PSIP1: variants seen among roughly 807,000 people sequenced by gnomAD.
PSIP1 encodes PC4 and SRSF1 interacting protein 1.
A neutral mutation model predicts 74.7 loss-of-function variants in PSIP1; 19 were observed. That is an observed-to-expected ratio of 0.25 (90% confidence interval 0.18 to 0.37). The LOEUF (loss-of-function observed/expected upper bound fraction) is 0.37, where lower values mean the gene tolerates loss of function less well. Ranked by LOEUF, PSIP1 falls within the 10% of genes least tolerant of loss-of-function variation. The pLI, the probability that PSIP1 is intolerant of heterozygous loss-of-function variation, is 1.00. For synonymous variants in PSIP1, 222 were observed against 195.3 expected (o/e 1.14, Z -1.14); for missense variants, 601 against 614.3 (o/e 0.98, Z 0.23).
chr9:15,464,632 G>A lies in PSIP1; in HGVS notation c.*888C>T, dbSNP rs1391066632. ...TTCATATTTATTGTATAAGCATCAT[G>A]ATTTTTTCTTCCAATTAAGTTTTAG... On this transcript the variant is annotated 3_prime_UTR_variant, in exon 16 of 16. Coordinates refer to ENST00000380733, the MANE Select transcript of PSIP1 (RefSeq NM_033222.5). The A allele has an allele frequency of 5.0e-6, 1 of 198,096 alleles. No individual in the cohort carries two copies. The highest frequency in any genetic ancestry group is 2.3e-5 in the African/African-American group (1 of 43,358). 12.3% of individuals were successfully genotyped at this position (198,096 alleles called of 1,614,324 possible). A position where few individuals can be genotyped will look rare whatever the true frequency, so the allele number is the denominator to read the frequency against.
At chr9:15,498,561 A>G (rs2037190887) in intron 3 of PSIP1, among the ~76,000 whole-genome samples, 1 of 152,168 alleles carries the variant, frequency 6.6e-6, no homozygotes, top group Non-Finnish European at 1.5e-5. Flanking sequence ...AACAGGGACC[A>G]GATTAGTTTT....
intron 3 of PSIP1, among the ~76,000 whole-genome samples, chr9:15,490,437 C>T (rs1424555259): frequency 1.3e-5 from 2 of 152,098 alleles, no homozygotes; most frequent in Admixed American, 6.6e-5. Flanking sequence ...AATCTCACCA[C>T]TTTGGGAAGC....
chr9:15,465,186 A>G lies in PSIP1; in HGVS notation c.*334T>C, dbSNP rs2035534994. On this transcript the variant is annotated 3_prime_UTR_variant, in exon 16 of 16. Transcript: ENST00000380733. ...GAAAAGAGGCAAGGTTTATACAAGT[A>G]GCAGTTTTAAAAATGTAACTTTGTT... 3.9e-6 allele frequency: 1 copy of G among 253,978 alleles called. No homozygotes were observed. The highest frequency in any genetic ancestry group is 7.5e-6 in the Non-Finnish European group (1 of 132,570). The allele number at this position is 253,978 out of a possible 1,614,324, so 15.7% of individuals were successfully genotyped here. A position where few individuals can be genotyped will look rare whatever the true frequency, so the allele number is the denominator to read the frequency against.
chr9:15,500,548 C>A (rs1191866000), intron 3 of PSIP1, among the ~76,000 whole-genome samples: 5 of 152,074 alleles, frequency 3.3e-5, no homozygotes, highest in Non-Finnish European at 7.4e-5. Context: ...AAGTCCCACA[C>A]CAATACGTGC....
At chr9:15,471,750 G>A in intron 10 of PSIP1, 3 of 961,570 alleles carry the variant, frequency 3.1e-6, no homozygotes, top group Non-Finnish European at 3.7e-6. Flanking sequence ...TTTGGCTTAC[G>A]GATATATTAT....
chr9:15,488,253 C>A (rs1173678286), intron 4 of PSIP1, among the ~76,000 whole-genome samples: 17 of 151,904 alleles, frequency 1.1e-4, no homozygotes, highest in Admixed American at 1.1e-3. Context: ...AATTGCTTGA[C>A]CTGGGGGGCA....
At chr9:15,497,267 A>C (rs929946470) in intron 3 of PSIP1, among the ~76,000 whole-genome samples, 3 of 151,882 alleles carry the variant, frequency 2.0e-5, no homozygotes, top group Non-Finnish European at 4.4e-5. Context: ...ATGAATCTTG[A>C]AAAACATCAT....
Position 15,474,081 on chromosome 9 carries a change from T to C in PSIP1, c.786A>G (p.Lys262=), listed in dbSNP as rs200720392. ...EGKKEVESKR[K]NLAKTGVTST... ...AAGTAACCCCTGTTTTAGCTAAATTTTTCCTTTTTGATTCAACTTCTTTCT... is the reference window on the plus strand; with the variant it reads ...AAGTAACCCCTGTTTTAGCTAAATTCTTCCTTTTTGATTCAACTTCTTTCT... Residue 262 remains lysine, a synonymous_variant, in exon 9 of 16, where the codon AAA becomes AAG. Transcript: ENST00000380733. 1.2e-6 allele frequency: 2 copies of C among 1,613,816 alleles called. No homozygotes were observed. Among genetic ancestry groups the C allele is most frequent in the African/African-American group, 1.3e-5 (1 of 75,004 alleles).
chr9:15,472,101 T>A (rs889074687), intron 10 of PSIP1: 1 of 983,220 alleles, frequency 1.0e-6, no homozygotes, highest in African/African-American at 1.8e-5. Context: ...TATCAAAATT[T>A]AAGAGAAAAC....
At chr9:15,470,607 A>G (rs753768892) in intron 10 of PSIP1, 143 of 953,836 alleles carry the variant, frequency 1.5e-4, no homozygotes, top group Admixed American at 3.1e-4. Context: ...ATTCAAATAG[A>G]CAAGAACAAA....
intron 11 of PSIP1, 32 bp from the exon 12 acceptor site, chr9:15,469,368 C>CT: frequency 7.1e-7 from 1 of 1,401,210 alleles, no homozygotes; most frequent in Non-Finnish European, 9.8e-7. Flanking sequence ...AAACAGTGAA[C>CT]AGTTTTTCCA....
rs184247774 is a variant in PSIP1 at position 15,466,194 on chromosome 9, A to G, written c.1532+554T>C. On this transcript the variant is annotated intron_variant, in intron 15 of 15. Coordinates refer to ENST00000380733, the MANE Select transcript of PSIP1 (RefSeq NM_033222.5). ...GGAGTTCGAGGCCGGGCTGGCCAAC[A>G]TGGTGAAACCTCATCTCTACTAAAA... Among the ~76,000 whole-genome samples, 328 of 152,358 alleles carry G rather than the reference A, an allele frequency of 2.2e-3. 2 individuals carry two copies. Among genetic ancestry groups the G allele is most frequent in the Non-Finnish European group, 3.3e-3 (227 of 68,036 alleles).
At chr9:15,495,400 C>T (rs894462457) in intron 3 of PSIP1, among the ~76,000 whole-genome samples, 28 of 151,958 alleles carry the variant, frequency 1.8e-4, no homozygotes, top group African/African-American at 4.6e-4. Flanking sequence ...GGAAAAGTTA[C>T]GATTGTTCTG....
chr9:15,508,286 A>G (rs1452406336), intron 2 of PSIP1, among the ~76,000 whole-genome samples: 1 of 152,240 alleles, frequency 6.6e-6, no homozygotes, highest in African/African-American at 2.4e-5. Context: ...CAAATTTTTA[A>G]GAATGAAGAA....
chr9:15,485,044 A>C (rs2036500892), intron 6 of PSIP1, among the ~76,000 whole-genome samples: 1 of 152,128 alleles, frequency 6.6e-6, no homozygotes, highest in African/African-American at 2.4e-5. Flanking sequence ...TGATTGTGCC[A>C]CTGCACTACT....
At chr9:15,509,475 T>C (rs2037751853) in intron 2 of PSIP1, among the ~76,000 whole-genome samples, 1 of 152,242 alleles carries the variant, frequency 6.6e-6, no homozygotes, top group Admixed American at 6.5e-5. Flanking sequence ...CACCTCCTTT[T>C]TGCCTATTGG....
At chr9:15,503,688 C>T (rs1298575664) in intron 3 of PSIP1, among the ~76,000 whole-genome samples, 2 of 151,848 alleles carry the variant, frequency 1.3e-5, no homozygotes, top group African/African-American at 4.8e-5. Context: ...AAATAACTAC[C>T]CTCCCAAATT....
intron 4 of PSIP1, among the ~76,000 whole-genome samples, chr9:15,488,634 C>A (rs1331831293): frequency 6.6e-6 from 1 of 152,118 alleles, no homozygotes; most frequent in Non-Finnish European, 1.5e-5. Context: ...AGCCTATAAT[C>A]CCAGCACTTT....
At chr9:15,482,761 T>C (rs751376552) in intron 6 of PSIP1, among the ~76,000 whole-genome samples, 2 of 152,226 alleles carry the variant, frequency 1.3e-5, no homozygotes, top group South Asian at 2.1e-4. Context: ...ATCCCTATTA[T>C]GTTGCCACAT....
Sources: allele counts gnomAD v4.1 joint callset (sites outside exome capture counted in the v4.1 genomes callset), GRCh38; gene constraint gnomAD v4.1.1; transcripts MANE v1.5; gene names NCBI Gene and HGNC (gene_info 2026-07-23, HGNC 2026-07-21).